Variants in PDE8B observed in about 807,000 individuals in gnomAD.
The protein encoded by PDE8B is phosphodiesterase 8B, also known as high affinity cAMP-specific and IBMX-insensitive 3',5'-cyclic phosphodiesterase 8B.
PDE8B carries 26 observed loss-of-function variants against 101.3 expected under a neutral mutation model. The observed-to-expected ratio is 0.26, with a 90% CI of 0.19 to 0.36. The LOEUF (loss-of-function observed/expected upper bound fraction) is 0.36, where lower values mean the gene tolerates loss of function less well. PDE8B is among the 10% of genes least tolerant of loss of function. The probability of loss-of-function intolerance (pLI) is 1.00; values close to 1 mark genes in which losing one functional copy is unlikely to be tolerated. For synonymous variants in PDE8B, 424 were observed against 429.3 expected, an observed-to-expected ratio of 0.99 and a Z score of 0.15; for missense variants, 810 against 1,163.1, an observed-to-expected ratio of 0.70 and a Z score of 4.42.
intron 2 of PDE8B, among the ~76,000 whole-genome samples, chr5:77,316,747 T>G (rs1773845190): frequency 6.6e-6 from 1 of 152,192 alleles, no homozygotes; most frequent in South Asian, 2.1e-4. Flanking sequence ...TGATATGTGC[T>G]CATAACCTAT....
At chr5:77,258,350 C>A (rs1384986587) in intron 1 of PDE8B, among the ~76,000 whole-genome samples, 1 of 148,294 alleles carries the variant, frequency 6.7e-6, no homozygotes, top group Non-Finnish European at 1.5e-5. Flanking sequence ...GCAGAGTGAA[C>A]TGATGGAGCA....
chr5:77,166,220 T>G, the PDE8B span, among the ~76,000 whole-genome samples: 3 of 42,978 alleles, frequency 7.0e-5, no homozygotes, highest in African/African-American at 4.1e-4. Flanking sequence ...ATTCTTTCGG[T>G]AAAGATAAAA....
intron 1 of PDE8B, among the ~76,000 whole-genome samples, chr5:77,219,811 G>T (rs1337240989): frequency 6.6e-6 from 1 of 152,152 alleles, no homozygotes; most frequent in Non-Finnish European, 1.5e-5. Context: ...GGAACTAGAA[G>T]TCTCTTTCCC....
At chr5:77,271,865 C>T (rs1246394902) in intron 1 of PDE8B, among the ~76,000 whole-genome samples, 1 of 152,204 alleles carries the variant, frequency 6.6e-6, no homozygotes, top group Non-Finnish European at 1.5e-5. Flanking sequence ...ACAGGTTCTT[C>T]AGGTGGTACA....
chr5:77,210,968 A>ATC lies in PDE8B; in HGVS notation c.45_46dup (p.Tyr16SerfsTer50). On this transcript the variant is annotated frameshift_variant, in exon 1 of 22. Transcript: ENST00000264917. LOFTEE classifies it high-confidence loss of function. The surrounding 1 kb of genome is among the most constrained non-coding windows in gnomAD (Gnocchi z 4.9). ...CATCCATGTCTCGCAGAGCGGCGTG[A>ATC]TCTACTGCCGGGACTCGGACGAGTC... is the stretch of plus-strand genomic sequence containing the variant. The ATC allele has an allele frequency of 6.5e-7, 1 of 1,533,296 alleles. No homozygotes were observed. 95.0% of individuals were successfully genotyped at this position (1,533,296 alleles called of 1,614,324 possible). A position where few individuals can be genotyped will look rare whatever the true frequency, so the allele number is the denominator to read the frequency against.
the PDE8B span, among the ~76,000 whole-genome samples, chr5:77,137,393 C>G: frequency 6.6e-6 from 1 of 152,016 alleles, no homozygotes; most frequent in Non-Finnish European, 1.5e-5. Context: ...TTCCAAATGG[C>G]CTATTCAAAA....
At chr5:77,162,851 A>G in the PDE8B span, among the ~76,000 whole-genome samples, 1 of 152,210 alleles carries the variant, frequency 6.6e-6, no homozygotes, top group African/African-American at 2.4e-5. Context: ...TGCCTTTCTC[A>G]GGGTACAAGT....
At chr5:77,290,762 A>G (rs1420969907) in intron 1 of PDE8B, 2 of 1,488,402 alleles carry the variant, frequency 1.3e-6, no homozygotes, top group Admixed American at 1.7e-5. Flanking sequence ...TCATCACGGC[A>G]TTCAATTTCC....
At chr5:77,163,632 G>T in the PDE8B span, among the ~76,000 whole-genome samples, 1 of 152,190 alleles carries the variant, frequency 6.6e-6, no homozygotes, top group Non-Finnish European at 1.5e-5. Flanking sequence ...CTTTTCCCCA[G>T]TTCTTTGGGT....
chr5:77,214,436 G>A (rs1561355785), intron 1 of PDE8B, among the ~76,000 whole-genome samples: 2 of 152,202 alleles, frequency 1.3e-5, no homozygotes, highest in South Asian at 4.1e-4. Flanking sequence ...TTTGTGGCCA[G>A]ACTGTGTTGT....
chr5:77,290,219 T>C (rs763739865), intron 1 of PDE8B: 20 of 1,542,998 alleles, frequency 1.3e-5, no homozygotes, highest in Non-Finnish European at 1.5e-5. Context: ...GTGTGCACGC[T>C]GCAAAGACCA....
chr5:77,416,243 TTA>T (rs1795535317), intron 17 of PDE8B, among the ~76,000 whole-genome samples: 1 of 152,312 alleles, frequency 6.6e-6, no homozygotes, highest in Admixed American at 6.5e-5. Flanking sequence ...CTAGTGCTAT[TTA>T]TGTTTTCTAC....
chr5:77,308,523 A>G (rs1771783713), intron 1 of PDE8B, among the ~76,000 whole-genome samples: 1 of 152,186 alleles, frequency 6.6e-6, no homozygotes, highest in African/African-American at 2.4e-5. Flanking sequence ...AGCTCACAGC[A>G]TGCCTTCCTG....
intron 1 of PDE8B, among the ~76,000 whole-genome samples, chr5:77,238,209 T>A (rs1755072892): frequency 6.6e-6 from 1 of 152,214 alleles, no homozygotes; most frequent in African/African-American, 2.4e-5. Flanking sequence ...TTCCATGACA[T>A]GATTTTAAGA....
chr5:77,163,070 C>A, the PDE8B span, among the ~76,000 whole-genome samples: 3 of 152,180 alleles, frequency 2.0e-5, no homozygotes, highest in Non-Finnish European at 4.4e-5. Flanking sequence ...TCTTATTTCT[C>A]AAAGTAGCCA....
At chr5:77,337,371 T>C in intron 6 of PDE8B, 56 bp downstream of exon 6, 2 of 902,308 alleles carry the variant, frequency 2.2e-6, no homozygotes, top group African/African-American at 1.6e-5. Flanking sequence ...GAAAATCTTA[T>C]CTGTCAACAG....
intron 11 of PDE8B, among the ~76,000 whole-genome samples, chr5:77,403,423 C>A (rs546091533): frequency 6.6e-6 from 1 of 152,188 alleles, no homozygotes; most frequent in African/African-American, 2.4e-5. Flanking sequence ...AGAAGCCCAT[C>A]TAGAGGTCTG....
intron 1 of PDE8B, among the ~76,000 whole-genome samples, chr5:77,278,946 C>T (rs565763191): frequency 1.3e-5 from 2 of 152,300 alleles, no homozygotes; most frequent in East Asian, 1.9e-4. Context: ...ACTCATGTTA[C>T]TTCCTGTTGT....
the PDE8B span, among the ~76,000 whole-genome samples, chr5:77,099,005 A>G: frequency 6.6e-6 from 1 of 152,248 alleles, no homozygotes; most frequent in Non-Finnish European, 1.5e-5. Flanking sequence ...TTTCTAACAC[A>G]TAAATTTTGG....
Sources: allele counts gnomAD v4.1 joint callset (sites outside exome capture counted in the v4.1 genomes callset), GRCh38; gene constraint gnomAD v4.1.1; non-coding constraint Gnocchi (gnomAD v3.1); transcripts MANE v1.5; gene names NCBI Gene and HGNC (gene_info 2026-07-23, HGNC 2026-07-21).